Variants in KCNT2 observed in about 807,000 individuals in gnomAD.
The protein encoded by KCNT2 is potassium sodium-activated channel subfamily T member 2, also known as potassium channel subfamily T member 2.
In KCNT2, 67 loss-of-function variants were observed where a neutral mutation model predicts 153.8. That is an observed-to-expected ratio of 0.44 (90% CI 0.36 to 0.53). KCNT2 has a LOEUF of 0.53. Ranked by LOEUF, KCNT2 falls within the 20% of genes least tolerant of loss-of-function variation. The probability of loss-of-function intolerance (pLI) is 0.00; values close to 1 mark genes in which losing one functional copy is unlikely to be tolerated. For synonymous variants in KCNT2, 500 were observed against 458.8 expected (o/e 1.09, Z -1.15); for missense variants, 975 against 1,354.8 (o/e 0.72, Z 4.40).
intron 12 of KCNT2, among the ~76,000 whole-genome samples, chr1:196,418,803 G>T (rs543417410): frequency 1.3e-5 from 2 of 152,186 alleles, no homozygotes; most frequent in South Asian, 2.1e-4. Flanking sequence ...AGGAGTTAGG[G>T]CTCCAACAAG....
Position 196,280,895 on chromosome 1 carries a change from A to G in KCNT2, c.2875T>C (p.Tyr959His). 1 of 1,611,998 alleles carries G rather than the reference A, an allele frequency of 6.2e-7. No individual in the cohort carries two copies. Among genetic ancestry groups the G allele is most frequent in the Non-Finnish European group, 8.5e-7 (1 of 1,178,182 alleles). The change falls in exon 25 of 28, where the codon TAC (tyrosine) becomes CAC (histidine). Residue 959 changes from tyrosine (Y) to histidine (H), a missense_variant. This residue lies in a region of KCNT2 where 241 missense variants were observed against 271.1 expected (regional missense o/e 0.89). Transcript: ENST00000294725. Reference sequence around the variant, plus strand: ...GTAAGTTTCTGAGACTCAGTCCTGTAGATTCCAATGGGAACATCTCCAGTA... The same window carrying G: ...GTAAGTTTCTGAGACTCAGTCCTGTGGATTCCAATGGGAACATCTCCAGTA... ...SSTGDVPIGI[Y>H]RTESQKLTTS...
chr1:196,275,642 T>C (rs1274672141), intron 25 of KCNT2, among the ~76,000 whole-genome samples: 2 of 151,916 alleles, frequency 1.3e-5, no homozygotes. Context: ...ACTCAGAACA[T>C]GGAAAGATGA....
chr1:196,338,183 A>G (rs149156096), intron 16 of KCNT2, among the ~76,000 whole-genome samples: 7,389 of 152,190 alleles, frequency 0.049, 271 homozygotes, highest in Non-Finnish European at 0.071. Flanking sequence ...ATAAAGAATT[A>G]GAAGTCATTA....
At chr1:196,230,195 T>C (rs1401548608) in intron 27 of KCNT2, among the ~76,000 whole-genome samples, 1 of 152,040 alleles carries the variant, frequency 6.6e-6, no homozygotes, top group Non-Finnish European at 1.5e-5. Context: ...TGGTAGGGGC[T>C]AATGCATTCG....
chr1:196,597,253 C>T (rs903726540), intron 1 of KCNT2, among the ~76,000 whole-genome samples: 2 of 147,224 alleles, frequency 1.4e-5, no homozygotes, highest in Admixed American at 6.6e-5. Context: ...TATTATTAAT[C>T]AAAGCCACCT....
At chr1:196,527,964 A>G (rs1654460536) in intron 1 of KCNT2, among the ~76,000 whole-genome samples, 1 of 152,190 alleles carries the variant, frequency 6.6e-6, no homozygotes, top group Non-Finnish European at 1.5e-5. Flanking sequence ...ACTATCTCTA[A>G]TAAGCATTTT....
At chr1:196,334,658 C>T (rs1003657881) in intron 16 of KCNT2, among the ~76,000 whole-genome samples, 17 of 151,634 alleles carry the variant, frequency 1.1e-4, no homozygotes, top group Admixed American at 3.9e-4. Context: ...ATATGTTATA[C>T]TTATTTTGTA....
At position 196,334,487 on chromosome 1, in the gene KCNT2, C is replaced by CTTTTTTTTTTTTTTTTTTCTTT. The variant is rs533230418; in HGVS notation, c.1784-428_1784-427insAAAGAAAAAAAAAAAAAAAAAA. ...TTTTCTTTTATTTCTTTCTTTCTTTCTTTTTTTTTTTTAAGACAGAGTCTC... is the reference window on the plus strand; with the variant it reads ...TTTTCTTTTATTTCTTTCTTTCTTTCTTTTTTTTTTTTTTTTTTCTTTTTTTTTTTTTTTAAGACAGAGTCTC... On this transcript the variant is annotated intron_variant, in intron 16 of 27. Transcript: ENST00000294725. 4.6e-5 allele frequency among the ~76,000 whole-genome samples: 4 copies of CTTTTTTTTTTTTTTTTTTCTTT among 87,264 alleles called. 1 individual carries two copies. The highest frequency in any genetic ancestry group is 8.9e-5 in the Non-Finnish European group (4 of 45,154). The allele number at this position is 87,264 out of a possible 152,430, so 57.2% of individuals were successfully genotyped here.
chr1:196,508,720 CA>C (rs2148790477), intron 1 of KCNT2, among the ~76,000 whole-genome samples: 1 of 152,218 alleles, frequency 6.6e-6, no homozygotes, highest in African/African-American at 2.4e-5. Flanking sequence ...AGGAAATATA[CA>C]TAAGACTACA....
intron 9 of KCNT2, among the ~76,000 whole-genome samples, chr1:196,428,676 A>C (rs991414844): frequency 1.3e-5 from 2 of 152,106 alleles, no homozygotes; most frequent in African/African-American, 4.8e-5. Context: ...CTAGCTGTAC[A>C]GTAGCCATTA....
chr1:196,458,649 A>G (rs1327054361), intron 8 of KCNT2, among the ~76,000 whole-genome samples: 2 of 151,922 alleles, frequency 1.3e-5, no homozygotes, highest in Non-Finnish European at 2.9e-5. Flanking sequence ...TTAACTATAC[A>G]TTTGGCAGTA....
intron 26 of KCNT2, among the ~76,000 whole-genome samples, chr1:196,239,017 G>T (rs1407374712): frequency 2.6e-5 from 4 of 151,624 alleles, no homozygotes; most frequent in Non-Finnish European, 5.9e-5. Context: ...AAATTTGTAG[G>T]ATCTTCAAGA....
intron 1 of KCNT2, among the ~76,000 whole-genome samples, chr1:196,550,810 G>A (rs753464916): frequency 6.6e-6 from 1 of 151,630 alleles, no homozygotes; most frequent in Non-Finnish European, 1.5e-5. Flanking sequence ...GCAGTAGAAG[G>A]GTAAAAAATG....
chr1:196,457,289 T>C (rs191445012), intron 8 of KCNT2, among the ~76,000 whole-genome samples: 1 of 151,862 alleles, frequency 6.6e-6, no homozygotes, highest in Non-Finnish European at 1.5e-5. Flanking sequence ...TGAATTGTGT[T>C]CTCTAGTACT....
chr1:196,547,760 A>T (rs1244360599), intron 1 of KCNT2, among the ~76,000 whole-genome samples: 1 of 151,774 alleles, frequency 6.6e-6, no homozygotes, highest in Non-Finnish European at 1.5e-5. Flanking sequence ...ATTTTTCTGT[A>T]TTTTTTATTT....
chr1:196,362,903 T>C (rs1486636205), intron 14 of KCNT2, among the ~76,000 whole-genome samples: 14 of 152,110 alleles, frequency 9.2e-5, no homozygotes, highest in African/African-American at 2.7e-4. Context: ...TTGGTTTAGA[T>C]GGTGTCTCCC....
At chr1:196,334,159 T>C (rs899741622) in intron 16 of KCNT2, 99 bp from the exon 17 acceptor site, 6 of 653,808 alleles carry the variant, frequency 9.2e-6, no homozygotes, top group Admixed American at 5.3e-5. Flanking sequence ...ACACAATAAA[T>C]ATATATATAG....
intron 1 of KCNT2, among the ~76,000 whole-genome samples, chr1:196,533,658 C>G (rs1655208728): frequency 1.3e-5 from 2 of 152,052 alleles, no homozygotes; most frequent in African/African-American, 4.8e-5. Flanking sequence ...GAAAAATAAT[C>G]CTCAGCTTGG....
intron 25 of KCNT2, among the ~76,000 whole-genome samples, chr1:196,265,025 C>T (rs983768154): frequency 2.6e-5 from 4 of 152,164 alleles, no homozygotes; most frequent in Admixed American, 6.5e-5. Flanking sequence ...GGAAGCCTGC[C>T]TCACTCTCCA....
Sources: allele counts gnomAD v4.1 joint callset (sites outside exome capture counted in the v4.1 genomes callset), GRCh38; gene constraint gnomAD v4.1.1; regional missense constraint gnomAD v4.1.1; transcripts MANE v1.5; gene names NCBI Gene and HGNC (gene_info 2026-07-23, HGNC 2026-07-21).